The following ZNF892 variants were observed in gnomAD, a reference collection of about 807,000 sequenced individuals.
ZNF892 encodes zinc finger protein 892, also known as zinc finger protein 570-like.
chr2:95,239,606 GT>G, the ZNF892 span, among the ~76,000 whole-genome samples: 47 of 145,550 alleles, frequency 3.2e-4, no homozygotes, highest in Admixed American at 4.1e-4. Flanking sequence ...ATAGTTTTTT[GT>G]TTTTTTTTTT....
At chr2:95,212,837 C>T in the ZNF892 span, among the ~76,000 whole-genome samples, 1 of 152,162 alleles carries the variant, frequency 6.6e-6, no homozygotes, top group African/African-American at 2.4e-5. Context: ...AATGATAGCA[C>T]AGAGCTTATA....
At chr2:95,223,680 C>CA in the ZNF892 span, among the ~76,000 whole-genome samples, 1 of 152,174 alleles carries the variant, frequency 6.6e-6, no homozygotes, top group Admixed American at 6.5e-5. Context: ...GAAATACAAG[C>CA]ATGAGCCACT....
the ZNF892 span, among the ~76,000 whole-genome samples, chr2:95,223,641 T>C: frequency 6.6e-6 from 1 of 152,136 alleles, no homozygotes; most frequent in East Asian, 1.9e-4. Flanking sequence ...GCTCAAGCAA[T>C]CTGCCCACCT....
chr2:95,215,555 TAGTG>T, the ZNF892 span: 1 of 405,576 alleles, frequency 2.5e-6, no homozygotes, highest in Non-Finnish European at 4.4e-6. Context: ...TCCAAGCTCT[TAGTG>T]AGCATTTAAC....
chr2:95,229,750 G>A, the ZNF892 span, among the ~76,000 whole-genome samples: 1 of 151,642 alleles, frequency 6.6e-6, no homozygotes, highest in East Asian at 1.9e-4. Flanking sequence ...ATGAATATAA[G>A]TGCTATGAAC....
chr2:95,243,534 C>T, the ZNF892 span, among the ~76,000 whole-genome samples: 14 of 151,460 alleles, frequency 9.2e-5, no homozygotes, highest in South Asian at 2.1e-4. Flanking sequence ...CGTCTCTGCC[C>T]GGCCGCCCCG....
At chr2:95,252,301 G>T in the ZNF892 span, among the ~76,000 whole-genome samples, 9 of 138,630 alleles carry the variant, frequency 6.5e-5, no homozygotes, top group African/African-American at 1.6e-4. Context: ...TGTTCTCATT[G>T]TTCAATTCCC....
chr2:95,233,490 G>A, the ZNF892 span, among the ~76,000 whole-genome samples: 20 of 151,134 alleles, frequency 1.3e-4, no homozygotes, highest in African/African-American at 4.6e-4. Context: ...TGGCTAACAC[G>A]GTGAAACCGC....
chr2:95,243,511 G>A, the ZNF892 span, among the ~76,000 whole-genome samples: 7 of 151,540 alleles, frequency 4.6e-5, no homozygotes, highest in African/African-American at 9.7e-5. Flanking sequence ...CGCCCCGTCC[G>A]GGATGTGAGG....
At chr2:95,247,897 A>T in the ZNF892 span, among the ~76,000 whole-genome samples, 1 of 152,218 alleles carries the variant, frequency 6.6e-6, no homozygotes, top group Non-Finnish European at 1.5e-5. Flanking sequence ...TGGGAATGTA[A>T]ATTAGTTCAG....
At chr2:95,245,005 C>A in the ZNF892 span, among the ~76,000 whole-genome samples, 1 of 152,076 alleles carries the variant, frequency 6.6e-6, no homozygotes, top group Non-Finnish European at 1.5e-5. Context: ...AACAAAGAGA[C>A]AACATACCAG....
chr2:95,249,496 C>T, the ZNF892 span, among the ~76,000 whole-genome samples: 1 of 151,482 alleles, frequency 6.6e-6, no homozygotes, highest in African/African-American at 2.4e-5. Flanking sequence ...ATCCGCCCGC[C>T]TTAGCCTCCC....
At chr2:95,207,554 C>G in the ZNF892 span, 1 of 365,346 alleles carries the variant, frequency 2.7e-6, no homozygotes. Flanking sequence ...CGCTAGGCGT[C>G]CCCGCCGGCT....
chr2:95,208,627 G>A, the ZNF892 span: 1 of 398,532 alleles, frequency 2.5e-6, no homozygotes, highest in East Asian at 3.6e-5. Flanking sequence ...TAATCATCAT[G>A]GCTCCTGTCT....
At chr2:95,253,394 A>T in the ZNF892 span, among the ~76,000 whole-genome samples, 1 of 152,178 alleles carries the variant, frequency 6.6e-6, no homozygotes, top group African/African-American at 2.4e-5. Context: ...AGATAGTTGT[A>T]GATATGTGGC....
chr2:95,258,234 AG>A, the ZNF892 span, among the ~76,000 whole-genome samples: 1 of 152,224 alleles, frequency 6.6e-6, no homozygotes, highest in African/African-American at 2.4e-5. Context: ...TTACTTCTGC[AG>A]AAGGGTGCTG....
At chr2:95,241,324 G>C in the ZNF892 span, among the ~76,000 whole-genome samples, 12 of 152,174 alleles carry the variant, frequency 7.9e-5, no homozygotes, top group African/African-American at 2.9e-4. Flanking sequence ...GCCTTCACTG[G>C]TGATATCTCC....
chr2:95,227,700 T>C, the ZNF892 span, among the ~76,000 whole-genome samples: 1 of 152,146 alleles, frequency 6.6e-6, no homozygotes, highest in Admixed American at 6.5e-5. Context: ...CAGTGTAACC[T>C]TGAACTCCTG....
the ZNF892 span, among the ~76,000 whole-genome samples, chr2:95,243,708 G>A: frequency 4.0e-5 from 6 of 151,696 alleles, no homozygotes; most frequent in South Asian, 2.1e-4. Context: ...CACCCTGTCC[G>A]GGAGGGAGGT....
Sources: allele counts gnomAD v4.1 joint callset (sites outside exome capture counted in the v4.1 genomes callset), GRCh38; gene constraint gnomAD v4.1.1; transcripts MANE v1.5; gene names NCBI Gene and HGNC (gene_info 2026-07-23, HGNC 2026-07-21).